Variants in NSUN2 observed in about 807,000 individuals in gnomAD.
NSUN2 encodes the protein RNA cytosine C(5)-methyltransferase NSUN2.
Under a neutral mutation model 92.7 loss-of-function variants are expected in NSUN2, and 63 were observed. The observed-to-expected ratio is 0.68, with a 90% CI of 0.56 to 0.84. NSUN2 has a LOEUF of 0.84. NSUN2 is among the 40% of genes least tolerant of loss of function. The pLI, the probability that NSUN2 is intolerant of heterozygous loss-of-function variation, is 0.00. For synonymous variants in NSUN2, 356 were observed against 348.3 expected (o/e 1.02, Z -0.25); for missense variants, 989 against 964.9 (o/e 1.02, Z -0.33).
intron 12 of NSUN2, among the ~76,000 whole-genome samples, chr5:6,609,424 T>G (rs1035120105): frequency 3.3e-5 from 5 of 152,198 alleles, no homozygotes; most frequent in Non-Finnish European, 7.3e-5. Flanking sequence ...GCAGCCAAGG[T>G]GAACCCGGGC....
At chr5:6,632,824 C>T (rs746997015) in intron 1 of NSUN2, 60 bp downstream of exon 1, 1 of 1,565,884 alleles carries the variant, frequency 6.4e-7, no homozygotes, top group South Asian at 1.1e-5. Context: ...CCTCGCAGGC[C>T]TCGGGGTCCG....
Position 6,604,618 on chromosome 5 carries a change from C to T in NSUN2, c.1805G>A (p.Arg602Gln), listed in dbSNP as rs759577308. 7 of 1,613,968 alleles carry T rather than the reference C, an allele frequency of 4.3e-6. No individual in the cohort carries two copies. Among genetic ancestry groups the T allele is most frequent in the Admixed American group, 1.7e-5 (1 of 60,000 alleles). The change falls in exon 16 of 19, where the codon CGG becomes CAG. Residue 602 changes from arginine (R) to glutamine (Q), a missense_variant. Transcript: ENST00000264670. ...NSGEEFDCAF[R>Q]LAQEGIYTLY... is the part of the protein sequence containing the mutation. ...TTCCAAAATTACCTCCTGTGCCAGC[C>T]GGAAAGCACAGTCAAACTCTTCACC...
At chr5:6,616,196 T>C (rs1737204846) in intron 9 of NSUN2, among the ~76,000 whole-genome samples, 1 of 152,220 alleles carries the variant, frequency 6.6e-6, no homozygotes, top group African/African-American at 2.4e-5. Context: ...GAGAGGTATT[T>C]GTATACCATG....
chr5:6,627,625 C>T (rs1737702127), intron 3 of NSUN2, among the ~76,000 whole-genome samples: 1 of 152,106 alleles, frequency 6.6e-6, no homozygotes, highest in African/African-American at 2.4e-5. Context: ...GGCTGTTGAT[C>T]TCATGTAAAG....
At chr5:6,624,330 C>A (rs1420333535) in intron 4 of NSUN2, among the ~76,000 whole-genome samples, 1 of 152,106 alleles carries the variant, frequency 6.6e-6, no homozygotes, top group Middle Eastern at 3.2e-3. Flanking sequence ...TGTTTTGTGG[C>A]CAGCTTTCCA....
intron 3 of NSUN2, among the ~76,000 whole-genome samples, chr5:6,626,191 C>T (rs1737647350): frequency 6.6e-6 from 1 of 152,112 alleles, no homozygotes; most frequent in South Asian, 2.1e-4. Context: ...AAAAATCCTA[C>T]CTTGGAAACC....
intron 6 of NSUN2, chr5:6,620,597 C>T (rs1274232397): frequency 4.8e-6 from 1 of 208,340 alleles, no homozygotes; most frequent in African/African-American, 2.4e-5. Context: ...CGATTAACTA[C>T]AAAAAAAAAA....
At position 6,632,933 on chromosome 5, in the gene NSUN2, G is replaced by A. The variant is rs1330812542; in HGVS notation, c.47C>T (p.Pro16Leu). 7 of 1,510,512 alleles carry A rather than the reference G, an allele frequency of 4.6e-6. No individual in the cohort carries two copies. Among genetic ancestry groups the A allele is most frequent in the African/African-American group, 4.3e-5 (3 of 69,824 alleles). The allele number at this position is 1,510,512 out of a possible 1,614,324, so 93.6% of individuals were successfully genotyped here. Residue 16 changes from proline to leucine, a missense_variant, in exon 1 of 19, where the codon CCG becomes CTG. By Grantham distance (98) the Pro-to-Leu change is moderately conservative. This residue lies in a region of NSUN2 where 356 missense variants were observed against 338.6 expected (regional missense o/e 1.05). Transcript: ENST00000264670. ...CTCGGCGCCATCCTCCGCGTCCTCCGGCCGCTGCTGTTGCTGGAGCCGCCG... is the reference window on the plus strand; with the variant it reads ...CTCGGCGCCATCCTCCGCGTCCTCCAGCCGCTGCTGTTGCTGGAGCCGCCG... ...RGRRLQQQQR[P>L]EDAEDGAEGG...
chr5:6,611,702 G>A (rs745670576), intron 10 of NSUN2, 23 bp downstream of exon 10: 2 of 1,609,920 alleles, frequency 1.2e-6, no homozygotes, highest in South Asian at 2.2e-5. Flanking sequence ...TCTTTAGAAT[G>A]AAAGTTCTCG....
chr5:6,611,422 A>C (rs1357027197), intron 10 of NSUN2, among the ~76,000 whole-genome samples: 1 of 138,736 alleles, frequency 7.2e-6, no homozygotes, highest in Non-Finnish European at 1.6e-5. Flanking sequence ...TCATATTGGA[A>C]ACAAGGCTTG....
intron 9 of NSUN2, among the ~76,000 whole-genome samples, chr5:6,615,130 T>C (rs1737156520): frequency 6.6e-6 from 1 of 150,986 alleles, no homozygotes; most frequent in Admixed American, 6.6e-5. Flanking sequence ...CGGGGGAAGC[T>C]GTCTTTACAA....
chr5:6,629,434 G>A (rs1223793145), intron 3 of NSUN2, among the ~76,000 whole-genome samples: 4 of 152,206 alleles, frequency 2.6e-5, no homozygotes, highest in Non-Finnish European at 5.9e-5. Context: ...CCACATGGAG[G>A]TGCCTTAAGA....
chr5:6,609,234 C>T (rs752269013), intron 12 of NSUN2, among the ~76,000 whole-genome samples: 40 of 152,134 alleles, frequency 2.6e-4, no homozygotes, highest in Non-Finnish European at 4.6e-4. Context: ...ATAATGCTGG[C>T]GTGATACAGG....
chr5:6,604,502 G>C, intron 16 of NSUN2, 103 bp downstream of exon 16: 1 of 1,116,372 alleles, frequency 9.0e-7, no homozygotes, highest in Non-Finnish European at 1.4e-6. Context: ...TGCCAGCCAA[G>C]CCCTGAGCCA....
In NSUN2 at chr5:6,605,424, T is replaced by C. The variant is rs537617608; in HGVS notation, c.1602-16A>G. On this transcript the variant is annotated splice_polypyrimidine_tract_variant and intron_variant, in intron 14 of 18. Coordinates refer to ENST00000264670, the MANE Select transcript of NSUN2 (RefSeq NM_017755.6). ...ATAAAATTTCCTGTACATAACAACATTGTTGTTTATCCACAATGAGTTCAA... is the reference window on the plus strand; with the variant it reads ...ATAAAATTTCCTGTACATAACAACACTGTTGTTTATCCACAATGAGTTCAA... 1 of 1,602,122 alleles carries C rather than the reference T, an allele frequency of 6.2e-7. No homozygotes were observed. Among genetic ancestry groups the C allele is most frequent in the South Asian group, 1.1e-5 (1 of 90,974 alleles).
chr5:6,601,462 C>G (rs764647200), intron 18 of NSUN2, among the ~76,000 whole-genome samples: 1 of 152,048 alleles, frequency 6.6e-6, no homozygotes, highest in African/African-American at 2.4e-5. Context: ...ACCTCTCCAG[C>G]CCATCCATCT....
intron 5 of NSUN2, among the ~76,000 whole-genome samples, chr5:6,622,657 G>T (rs1737493190): frequency 6.6e-6 from 1 of 152,084 alleles, no homozygotes; most frequent in African/African-American, 2.4e-5. Flanking sequence ...AGACCAGCCT[G>T]ACCAACATGG....
At chr5:6,609,749 C>CT in intron 12 of NSUN2, 77 bp downstream of exon 12, 2 of 1,149,564 alleles carry the variant, frequency 1.7e-6, no homozygotes, top group South Asian at 1.3e-5. Flanking sequence ...CTCTGTACTT[C>CT]TACTAAACTC....
At chr5:6,614,505 C>A (rs1439932298) in intron 9 of NSUN2, among the ~76,000 whole-genome samples, 1 of 152,160 alleles carries the variant, frequency 6.6e-6, no homozygotes, top group African/African-American at 2.4e-5. Context: ...GTCCACTCTT[C>A]CCTTAGAGAT....
Sources: allele counts gnomAD v4.1 joint callset (sites outside exome capture counted in the v4.1 genomes callset), GRCh38; gene constraint gnomAD v4.1.1; regional missense constraint gnomAD v4.1.1; transcripts MANE v1.5; gene names NCBI Gene and HGNC (gene_info 2026-07-23, HGNC 2026-07-21).